Variants in CEP85L observed in about 807,000 individuals in gnomAD.
CEP85L encodes centrosomal protein 85L, also known as centrosomal protein of 85 kDa-like.
A neutral mutation model predicts 100.3 loss-of-function variants in CEP85L; 60 were observed. That is an observed-to-expected ratio of 0.60 (90% confidence interval 0.49 to 0.74). CEP85L has a LOEUF of 0.74. CEP85L is among the 30% of genes least tolerant of loss of function. CEP85L has a pLI of 0.00. For missense variants in CEP85L, 973 were observed against 936.2 expected (o/e 1.04, Z -0.51); for synonymous variants, 319 against 322.7 (o/e 0.99, Z 0.12).
At chr6:118,509,917 C>T (rs145112977) in intron 5 of CEP85L, among the ~76,000 whole-genome samples, 13 of 152,130 alleles carry the variant, frequency 8.5e-5, no homozygotes, top group African/African-American at 2.6e-4. Context: ...ATTTTGTTAA[C>T]GGGCCTCATA....
chr6:118,645,240 C>T (rs1360577916), intron 1 of CEP85L, among the ~76,000 whole-genome samples: 1 of 152,212 alleles, frequency 6.6e-6, no homozygotes, highest in Non-Finnish European at 1.5e-5. Flanking sequence ...AATGTTACCT[C>T]CTCAGAGGCC....
At chr6:118,500,857 T>C (rs1322973699) in intron 5 of CEP85L, among the ~76,000 whole-genome samples, 1 of 152,226 alleles carries the variant, frequency 6.6e-6, no homozygotes, top group Non-Finnish European at 1.5e-5. Context: ...TTCTACTTCT[T>C]CTTGTTTGGA....
upstream of CEP85L, chr6:118,652,777 A>C (rs1227190340): frequency 2.0e-6 from 3 of 1,523,534 alleles, no homozygotes; most frequent in Non-Finnish European, 2.7e-6. Flanking sequence ...ATTTCTCCAA[A>C]TCATGTAATG....
intron 2 of CEP85L, among the ~76,000 whole-genome samples, chr6:118,622,248 G>A (rs1773494166): frequency 6.6e-6 from 1 of 152,162 alleles, no homozygotes; most frequent in African/African-American, 2.4e-5. Flanking sequence ...AATGCTAAAG[G>A]AAGTTTGTGG....
At chr6:118,541,529 T>C (rs1351566266) in intron 3 of CEP85L, among the ~76,000 whole-genome samples, 2 of 152,204 alleles carry the variant, frequency 1.3e-5, no homozygotes, top group Non-Finnish European at 2.9e-5. Flanking sequence ...CTCAAGAATG[T>C]ATCTGCTGAA....
Position 118,499,336 on chromosome 6 carries a change from G to A in CEP85L, c.1258-7471C>T, listed in dbSNP as rs115205583. ...CAAATCATGATTATGTCAAATCCAC[G>A]AAATGCACTTGACAAAATCTAACAC... On this transcript the variant is annotated intron_variant, in intron 5 of 12. Coordinates refer to ENST00000368491, the MANE Select transcript of CEP85L (RefSeq NM_001042475.3). Among the ~76,000 whole-genome samples the A allele has an allele frequency of 6.3e-4, 96 of 152,250 alleles. 1 individual carries two copies. The highest frequency in any genetic ancestry group is 2.1e-3 in the African/African-American group (87 of 41,544).
At chr6:118,599,969 G>C (rs1049629441) in intron 2 of CEP85L, among the ~76,000 whole-genome samples, 1 of 152,012 alleles carries the variant, frequency 6.6e-6, no homozygotes, top group African/African-American at 2.4e-5. Flanking sequence ...GTGGTGTCCT[G>C]GATAGGAACC....
chr6:118,547,179 T>A (rs564039023), intron 3 of CEP85L, among the ~76,000 whole-genome samples: 10 of 152,200 alleles, frequency 6.6e-5, no homozygotes, highest in African/African-American at 2.4e-4. Flanking sequence ...TATTTTCGAG[T>A]GTGGTGACTT....
At position 118,632,075 on chromosome 6, in the gene CEP85L, C is replaced by T. The variant is rs539285970; in HGVS notation, c.232+378G>A. Among the ~76,000 whole-genome samples the T allele has an allele frequency of 1.7e-3, 253 of 152,206 alleles. 1 individual carries two copies. The highest frequency in any genetic ancestry group is 2.7e-3 in the Non-Finnish European group (181 of 67,998). On this transcript the variant is annotated intron_variant, in intron 2 of 12. Transcript: ENST00000368491. ...CACGATCTCAGCTCACTGCAAGCTCCGCCTCCTGGGTTCACGCCATTCTCG... is the reference window on the plus strand; with the variant it reads ...CACGATCTCAGCTCACTGCAAGCTCTGCCTCCTGGGTTCACGCCATTCTCG...
chr6:118,670,966 A>AAC (rs1452900616), intron 1 of CEP85L, among the ~76,000 whole-genome samples: 5 of 152,080 alleles, frequency 3.3e-5, no homozygotes, highest in Non-Finnish European at 7.4e-5. Flanking sequence ...GTAAAAAAAA[A>AAC]AAAACACTGT....
At chr6:118,597,832 T>C (rs1158580569) in intron 2 of CEP85L, among the ~76,000 whole-genome samples, 2 of 152,204 alleles carry the variant, frequency 1.3e-5, no homozygotes, top group Non-Finnish European at 1.5e-5. Flanking sequence ...GGATACCGTG[T>C]GGGGCCTAGT....
rs1265793662 is a variant in CEP85L at position 118,523,899 on chromosome 6, G to C, written c.1042C>G (p.Gln348Glu). 2 of 1,600,404 alleles carry C rather than the reference G, an allele frequency of 1.2e-6. No homozygotes were observed. Among genetic ancestry groups the C allele is most frequent in the Non-Finnish European group, 1.7e-6 (2 of 1,169,572 alleles). Residue 348 changes from glutamine (Q) to glutamate (E), a missense_variant, in exon 4 of 13, where the codon CAA becomes GAA. Gln to Glu is a conservative substitution (Grantham distance 29). Around this residue, in one of 3 missense-constraint regions of CEP85L, gnomAD observed 890 missense variants for 844.5 expected, o/e 1.05. Transcript: ENST00000368491. Reference sequence around the variant, plus strand: ...TCCTGATAGCCAGGTGAATAACTTTGACGAGATGATCCAGTCAAAACCTGC... The same window carrying C: ...TCCTGATAGCCAGGTGAATAACTTTCACGAGATGATCCAGTCAAAACCTGC... ...PMQVLTGSSR[Q>E]SYSPGYQDFS...
intron 1 of CEP85L, among the ~76,000 whole-genome samples, chr6:118,682,324 T>C (rs1776691522): frequency 6.6e-6 from 1 of 152,204 alleles, no homozygotes; most frequent in Non-Finnish European, 1.5e-5. Context: ...AAGCTAAATA[T>C]CATAAACTGA....
chr6:118,556,259 T>A (rs1232848420), intron 3 of CEP85L, among the ~76,000 whole-genome samples: 2 of 152,212 alleles, frequency 1.3e-5, no homozygotes, highest in Non-Finnish European at 2.9e-5. Flanking sequence ...TAACAGCCTT[T>A]AGCCACCTGT....
At chr6:118,702,427 C>T (rs1254446717) in intron 1 of CEP85L, among the ~76,000 whole-genome samples, 1 of 152,020 alleles carries the variant, frequency 6.6e-6, no homozygotes, top group African/African-American at 2.4e-5. Flanking sequence ...TGAGAGGATC[C>T]CTTGAGTCTG....
intron 2 of CEP85L, among the ~76,000 whole-genome samples, chr6:118,578,448 T>C (rs1043821500): frequency 1.3e-5 from 2 of 152,168 alleles, no homozygotes; most frequent in Non-Finnish European, 2.9e-5. Flanking sequence ...TAAAAACCCT[T>C]TGGCCGGGAG....
At chr6:118,596,626 A>G (rs1781470321) in intron 2 of CEP85L, among the ~76,000 whole-genome samples, 1 of 152,108 alleles carries the variant, frequency 6.6e-6, no homozygotes, top group South Asian at 2.1e-4. Flanking sequence ...TGCTAAAACT[A>G]CTTATATTCA....
intron 1 of CEP85L, among the ~76,000 whole-genome samples, chr6:118,667,806 G>A (rs973943179): frequency 6.6e-6 from 1 of 152,190 alleles, no homozygotes; most frequent in African/African-American, 2.4e-5. Context: ...CCCACTGTGT[G>A]TCTGGAGAGC....
At chr6:118,636,821 T>C (rs1774523369) in intron 1 of CEP85L, among the ~76,000 whole-genome samples, 1 of 152,190 alleles carries the variant, frequency 6.6e-6, no homozygotes, top group Admixed American at 6.5e-5. Flanking sequence ...AACTATGCTA[T>C]CAACAATCCC....
Sources: gnomAD v4.1 joint callset for allele counts (sites outside exome capture counted in the v4.1 genomes callset) on GRCh38, gnomAD v4.1.1 for gene constraint, gnomAD v4.1.1 regional missense constraint, MANE v1.5 for transcripts, NCBI Gene and HGNC (gene_info 2026-07-23, HGNC 2026-07-21) for gene names.